INPP4B: variants seen among roughly 807,000 people sequenced by gnomAD.
INPP4B encodes inositol polyphosphate 4-phosphatase type II.
In INPP4B, 55 loss-of-function variants were observed where a neutral mutation model predicts 122.5. That is an observed-to-expected ratio of 0.45 (90% CI 0.36 to 0.56). INPP4B has a LOEUF of 0.56. Ranked by LOEUF, INPP4B falls within the 20% of genes least tolerant of loss-of-function variation. The probability of loss-of-function intolerance (pLI) is 0.00; values close to 1 mark genes in which losing one functional copy is unlikely to be tolerated. For missense variants in INPP4B, 1,000 were observed against 1,097.7 expected, an observed-to-expected ratio of 0.91 and a Z score of 1.26; for synonymous variants, 403 against 388.7, an observed-to-expected ratio of 1.04 and a Z score of -0.43.
At chr4:142,253,417 G>A (rs2150236459) in intron 11 of INPP4B, among the ~76,000 whole-genome samples, 1 of 152,366 alleles carries the variant, frequency 6.6e-6, no homozygotes, top group South Asian at 2.1e-4. Context: ...GAAGACAGGT[G>A]ATTTCCGCAT....
chr4:142,698,380 T>G (rs1761289599), intron 2 of INPP4B, among the ~76,000 whole-genome samples: 1 of 152,020 alleles, frequency 6.6e-6, no homozygotes, highest in African/African-American at 2.4e-5. Flanking sequence ...ATTCTTGTCA[T>G]AACTATTTGA....
chr4:142,823,684 T>G (rs1047147457), intron 1 of INPP4B, among the ~76,000 whole-genome samples: 2 of 152,182 alleles, frequency 1.3e-5, no homozygotes, highest in African/African-American at 4.8e-5. Context: ...TATGCTGTCT[T>G]TAGGACACAA....
intron 9 of INPP4B, among the ~76,000 whole-genome samples, chr4:142,281,388 T>C (rs1751153088): frequency 6.6e-6 from 1 of 151,818 alleles, no homozygotes; most frequent in South Asian, 2.1e-4. Flanking sequence ...GAATGGTTTG[T>C]AAACATTACA....
In INPP4B at chr4:142,509,797, T is replaced by C. The variant is rs190395395; in HGVS notation, c.-190-47071A>G. ...TTTTCTCATGAGTATAAAGGAGGAA[T>C]CATGGCCCCTGCCTCTTAGCATGTT... On this transcript the variant is annotated intron_variant, in intron 2 of 25. Coordinates refer to ENST00000262992, the MANE Select transcript of INPP4B (RefSeq NM_001101669.3). Among the ~76,000 whole-genome samples, 211 of 152,318 alleles carry C rather than the reference T, an allele frequency of 1.4e-3. 1 individual carries two copies. Among genetic ancestry groups the C allele is most frequent in the African/African-American group, 4.8e-3 (198 of 41,570 alleles).
intron 11 of INPP4B, among the ~76,000 whole-genome samples, chr4:142,250,160 C>T (rs973115045): frequency 6.6e-6 from 1 of 152,134 alleles, no homozygotes; most frequent in Non-Finnish European, 1.5e-5. Context: ...TTCTGTCCCA[C>T]CTCTTCCTTA....
At chr4:142,206,257 T>G (rs1168558434) in intron 14 of INPP4B, among the ~76,000 whole-genome samples, 1 of 152,024 alleles carries the variant, frequency 6.6e-6, no homozygotes, top group Non-Finnish European at 1.5e-5. Context: ...CCAACATTGT[T>G]GCACTGGGGA....
intron 2 of INPP4B, among the ~76,000 whole-genome samples, chr4:142,694,206 G>A (rs1580721785): frequency 2.0e-5 from 3 of 151,544 alleles, no homozygotes; most frequent in Admixed American, 6.6e-5. Flanking sequence ...AACCCCGTCT[G>A]TACTAAAAAT....
intron 2 of INPP4B, among the ~76,000 whole-genome samples, chr4:142,640,492 A>C (rs1385184903): frequency 6.6e-6 from 1 of 152,128 alleles, no homozygotes; most frequent in Non-Finnish European, 1.5e-5. Flanking sequence ...AAAAATATCT[A>C]AATATAAAAT....
chr4:142,269,774 TA>T (rs1446887220), intron 10 of INPP4B, among the ~76,000 whole-genome samples: 1 of 152,196 alleles, frequency 6.6e-6, no homozygotes, highest in Non-Finnish European at 1.5e-5. Flanking sequence ...TTAACCTGAT[TA>T]ATCATTCCAT....
intron 1 of INPP4B, among the ~76,000 whole-genome samples, chr4:142,810,453 C>T (rs565569824): frequency 6.6e-6 from 1 of 152,182 alleles, no homozygotes; most frequent in East Asian, 1.9e-4. Flanking sequence ...TGAACTACAC[C>T]TTGATCCATC....
chr4:142,844,545 A>G (rs1463622265), intron 1 of INPP4B, among the ~76,000 whole-genome samples: 1 of 152,240 alleles, frequency 6.6e-6, no homozygotes, highest in South Asian at 2.1e-4. Context: ...TCACAAAACT[A>G]TTGATCATTT....
At chr4:142,089,453 A>ACT (rs1202588873) in intron 23 of INPP4B, among the ~76,000 whole-genome samples, 2 of 82,262 alleles carry the variant, frequency 2.4e-5, no homozygotes, top group African/African-American at 9.6e-5. Context: ...ACACACACAC[A>ACT]CACACACACA....
intron 1 of INPP4B, among the ~76,000 whole-genome samples, chr4:142,835,358 T>C (rs982973820): frequency 3.3e-5 from 5 of 152,184 alleles, no homozygotes; most frequent in Non-Finnish European, 7.3e-5. Context: ...AAAGGAAGGC[T>C]TTCTCTCCTG....
At chr4:142,641,444 G>C (rs796157518) in intron 2 of INPP4B, among the ~76,000 whole-genome samples, 2 of 127,718 alleles carry the variant, frequency 1.6e-5, no homozygotes, top group Non-Finnish European at 3.3e-5. Context: ...AACAGGCCCC[G>C]TTGTGTGATG....
intron 2 of INPP4B, among the ~76,000 whole-genome samples, chr4:142,615,205 C>T (rs1484323352): frequency 2.0e-5 from 3 of 152,056 alleles, no homozygotes; most frequent in East Asian, 1.9e-4. Flanking sequence ...CTGAAGAGTT[C>T]CTGAGAAAGT....
chr4:142,532,888 C>T (rs1827784882), intron 2 of INPP4B, among the ~76,000 whole-genome samples: 2 of 152,106 alleles, frequency 1.3e-5, no homozygotes, highest in African/African-American at 4.8e-5. Flanking sequence ...CACCTACTGC[C>T]TTGTGGACTT....
intron 1 of INPP4B, among the ~76,000 whole-genome samples, chr4:142,832,384 A>G (rs563722070): frequency 6.6e-6 from 1 of 152,360 alleles, no homozygotes; most frequent in East Asian, 1.9e-4. Flanking sequence ...TTGTCATCAT[A>G]GGATCTTCAG....
intron 11 of INPP4B, among the ~76,000 whole-genome samples, chr4:142,244,857 C>G (rs889429609): frequency 2.0e-5 from 3 of 152,130 alleles, no homozygotes; most frequent in Admixed American, 6.5e-5. Context: ...AGTGTAAAAG[C>G]GTTCCTATTT....
chr4:142,222,574 C>T (rs888477711), intron 12 of INPP4B, among the ~76,000 whole-genome samples: 5 of 152,132 alleles, frequency 3.3e-5, no homozygotes, highest in Non-Finnish European at 5.9e-5. Context: ...TTATTGAGTG[C>T]TTATTATATG....
Sources: allele counts gnomAD v4.1 joint callset (sites outside exome capture counted in the v4.1 genomes callset), GRCh38; gene constraint gnomAD v4.1.1; transcripts MANE v1.5; gene names NCBI Gene and HGNC (gene_info 2026-07-23, HGNC 2026-07-21).